The following CASQ2 variants were observed in gnomAD, a reference collection of about 807,000 sequenced individuals.
The protein encoded by CASQ2 is calsequestrin-2.
In CASQ2, 49 loss-of-function variants were observed where a neutral mutation model predicts 46.5. The ratio of observed to expected loss-of-function variants is 1.05; its 90% CI spans 0.84 to 1.34. The LOEUF (loss-of-function observed/expected upper bound fraction) is 1.34, where lower values mean the gene tolerates loss of function less well. CASQ2 is among the 40% of genes most tolerant of loss of function. CASQ2 has a pLI of 0.00. For missense variants in CASQ2, 486 were observed against 481.3 expected (o/e 1.01, Z -0.09); for synonymous variants, 174 against 168.5 (o/e 1.03, Z -0.25).
chr1:115,717,746 G>T, intron 8 of CASQ2, 94 bp downstream of exon 8: 1 of 951,168 alleles, frequency 1.1e-6, no homozygotes, highest in Non-Finnish European at 1.7e-6. Context: ...TTGCATTGTG[G>T]ATGGGATGTG....
intron 8 of CASQ2, among the ~76,000 whole-genome samples, chr1:115,714,710 A>G (rs1654644994): frequency 6.6e-6 from 1 of 152,244 alleles, no homozygotes; most frequent in Admixed American, 6.5e-5. Context: ...CTGATTAACC[A>G]CAAATTCAGA....
chr1:115,722,797 C>T (rs970719992), intron 7 of CASQ2, among the ~76,000 whole-genome samples: 2 of 152,152 alleles, frequency 1.3e-5, no homozygotes, highest in African/African-American at 4.8e-5. Context: ...CCTGTAATCC[C>T]AGCACTTTGG....
At chr1:115,729,383 G>A (rs115550656) in intron 5 of CASQ2, among the ~76,000 whole-genome samples, 2,703 of 152,116 alleles carry the variant, frequency 0.018, 38 homozygotes, top group Middle Eastern at 0.037. Context: ...TCCTATCTTG[G>A]ATGGTAAGGA....
chr1:115,708,076 T>G (rs911281833), intron 8 of CASQ2, among the ~76,000 whole-genome samples: 1 of 152,224 alleles, frequency 6.6e-6, no homozygotes, highest in African/African-American at 2.4e-5. Context: ...ACTTACCTAC[T>G]ACGTTCCTAT....
chr1:115,762,273 G>T (rs1380469626), intron 1 of CASQ2, among the ~76,000 whole-genome samples: 1 of 152,276 alleles, frequency 6.6e-6, no homozygotes, highest in Non-Finnish European at 1.5e-5. Flanking sequence ...AGTATTGCTT[G>T]TTCCTTATCC....
chr1:115,738,155 G>C lies in CASQ2; in HGVS notation c.532+69C>G, dbSNP rs937318676. The C allele has an allele frequency of 3.2e-6, 3 of 928,256 alleles. No homozygotes were observed. The African/African-American group carries it at 4.8e-5, about 15-fold the overall frequency. The allele number at this position is 928,256 out of a possible 1,614,324, so 57.5% of individuals were successfully genotyped here. A position where few individuals can be genotyped will look rare whatever the true frequency, so the allele number is the denominator to read the frequency against. On this transcript the variant is annotated intron_variant, in intron 4 of 10. Transcript: ENST00000261448. ...GTGCTGAAGACCCATCCTCTTTTGG[G>C]GTAACCTGACATACCTTGTTTGGAA... is the stretch of plus-strand genomic sequence containing the variant.
At chr1:115,765,375 G>C (rs765530312) in intron 1 of CASQ2, among the ~76,000 whole-genome samples, 3 of 152,132 alleles carry the variant, frequency 2.0e-5, no homozygotes, top group Non-Finnish European at 4.4e-5. Context: ...ACATCCCTTA[G>C]AGATGCAGAC....
At chr1:115,722,529 G>A (rs1051821583) in intron 7 of CASQ2, among the ~76,000 whole-genome samples, 2 of 152,116 alleles carry the variant, frequency 1.3e-5, no homozygotes, top group Non-Finnish European at 2.9e-5. Context: ...TGCTATGACA[G>A]GAAGGAAAGA....
rs2101101082 is a variant in CASQ2 at position 115,744,920 on chromosome 1, A to G, written c.235-8T>C. On this transcript the variant is annotated splice_polypyrimidine_tract_variant and splice_region_variant and intron_variant, in intron 1 of 10. Transcript: ENST00000261448. ...AAGGACCTGGGCCACAAGCTGAAGA[A>G]ACAAATGGAAAGATGAGTGTGCTAA... 1.2e-5 allele frequency: 19 copies of G among 1,598,880 alleles called. No homozygotes were observed. The highest frequency in any genetic ancestry group is 1.5e-5 in the Non-Finnish European group (18 of 1,166,504).
chr1:115,749,936 G>A (rs994012361), intron 1 of CASQ2, among the ~76,000 whole-genome samples: 2 of 152,142 alleles, frequency 1.3e-5, no homozygotes, highest in African/African-American at 4.8e-5. Context: ...AACTCAAAAA[G>A]CCCCTCACAA....
chr1:115,756,978 T>G (rs2101115941), intron 1 of CASQ2, among the ~76,000 whole-genome samples: 1 of 152,092 alleles, frequency 6.6e-6, no homozygotes, highest in African/African-American at 2.4e-5. Flanking sequence ...AAAAAAAAAC[T>G]TATACCTTTG....
At chr1:115,736,112 G>A (rs1283142499) in intron 4 of CASQ2, among the ~76,000 whole-genome samples, 1 of 146,762 alleles carries the variant, frequency 6.8e-6, no homozygotes, top group Non-Finnish European at 1.5e-5. Flanking sequence ...GCAGTGAGCC[G>A]AGATTGCACC....
intron 1 of CASQ2, among the ~76,000 whole-genome samples, chr1:115,754,850 T>C (rs530261210): frequency 3.9e-4 from 60 of 152,322 alleles, no homozygotes; most frequent in African/African-American, 1.4e-3. Context: ...TCCCTACCAA[T>C]TAACTACAGG....
chr1:115,725,628 C>G, intron 6 of CASQ2, 75 bp from the exon 7 acceptor site: 1 of 1,537,482 alleles, frequency 6.5e-7, no homozygotes. Context: ...ACAGCAGCCA[C>G]AGCATTATGA....
chr1:115,718,272 C>A (rs1175444374), intron 7 of CASQ2, among the ~76,000 whole-genome samples: 2 of 152,158 alleles, frequency 1.3e-5, no homozygotes. Context: ...GATCTGAGAG[C>A]AACAATGGCT....
chr1:115,712,673 C>A (rs1248867821), intron 8 of CASQ2, among the ~76,000 whole-genome samples: 1 of 151,882 alleles, frequency 6.6e-6, no homozygotes, highest in Admixed American at 6.6e-5. Context: ...ACCCATAATC[C>A]CAGCACTTTG....
At chr1:115,724,114 C>A (rs1415611640) in intron 7 of CASQ2, among the ~76,000 whole-genome samples, 2 of 152,204 alleles carry the variant, frequency 1.3e-5, no homozygotes, top group Non-Finnish European at 2.9e-5. Flanking sequence ...AGCCCTCACA[C>A]CAAATGGCCC....
chr1:115,745,258 G>T (rs1188484559), intron 1 of CASQ2, among the ~76,000 whole-genome samples: 2 of 152,200 alleles, frequency 1.3e-5, no homozygotes, highest in Non-Finnish European at 1.5e-5. Flanking sequence ...CTGACAAGGG[G>T]CCCTGAGCCC....
At chr1:115,758,280 TAAATA>T (rs1446164741) in intron 1 of CASQ2, among the ~76,000 whole-genome samples, 1 of 152,244 alleles carries the variant, frequency 6.6e-6, no homozygotes, top group Non-Finnish European at 1.5e-5. Context: ...TTGTAAGAAT[TAAATA>T]AAATAACATA....
Sources: allele counts gnomAD v4.1 joint callset (sites outside exome capture counted in the v4.1 genomes callset), GRCh38; gene constraint gnomAD v4.1.1; transcripts MANE v1.5; gene names NCBI Gene and HGNC (gene_info 2026-07-23, HGNC 2026-07-21).